ART1: variants seen among roughly 807,000 people sequenced by gnomAD.
ART1 encodes the protein GPI-linked NAD(P)(+)--arginine ADP-ribosyltransferase 1.
Under a neutral mutation model 27.0 loss-of-function variants are expected in ART1, and 29 were observed. That is an observed-to-expected ratio of 1.08 (90% CI 0.80 to 1.47). ART1 has a LOEUF of 1.47. Among genes scored for constraint, ART1 ranks in the 40% most tolerant of loss-of-function variants. The pLI is 0.00. For synonymous variants in ART1, 201 were observed against 172.2 expected, an observed-to-expected ratio of 1.17 and a Z score of -1.31; for missense variants, 480 against 423.0, an observed-to-expected ratio of 1.13 and a Z score of -1.18.
chr11:3,650,014 C>T (rs2077506307), intron 1 of ART1, among the ~76,000 whole-genome samples: 1 of 152,168 alleles, frequency 6.6e-6, no homozygotes, highest in Non-Finnish European at 1.5e-5. Flanking sequence ...CACAACAGGA[C>T]TTAATTAACC....
At chr11:3,662,574 G>C (rs535535217) in intron 4 of ART1, among the ~76,000 whole-genome samples, 10 of 152,266 alleles carry the variant, frequency 6.6e-5, no homozygotes, top group Non-Finnish European at 1.2e-4. Flanking sequence ...GCCGGGTGTG[G>C]TGGCTCACGC....
At chr11:3,647,708 A>T (rs2077480678) in intron 1 of ART1, among the ~76,000 whole-genome samples, 1 of 152,180 alleles carries the variant, frequency 6.6e-6, no homozygotes, top group Non-Finnish European at 1.5e-5. Context: ...CTTGGAAGTG[A>T]TGAACATGTT....
rs148703944 is a variant in ART1, at chr11:3,659,926, G to T, written c.407G>T (p.Arg136Leu). The T allele has an allele frequency of 3.3e-5, 53 of 1,613,252 alleles. No individual in the cohort carries two copies. The highest frequency in any genetic ancestry group is 4.4e-5 in the Non-Finnish European group (52 of 1,179,748). The stretch of plus-strand genomic sequence containing the variant: ...CACAAGGAGTTCAATGCAGCCGTGC[G>T]TGAGGCGGGCCGCTCCCGGGCCCAC... ...PLHKEFNAAV[R>L]EAGRSRAHYL... The change falls in exon 3 of 5, where the codon CGT (arginine) becomes CTT (leucine). Residue 136 changes from arginine (R) to leucine (L), a missense_variant. Arg to Leu is a moderately radical substitution (Grantham distance 102, BLOSUM62 -2). Coordinates refer to ENST00000250693, the MANE Select transcript of ART1 (RefSeq NM_004314.3).
At chr11:3,660,502 C>A in intron 3 of ART1, 139 bp downstream of exon 3, 1 of 1,026,210 alleles carries the variant, frequency 9.7e-7, no homozygotes, top group Non-Finnish European at 1.4e-6. Context: ...GCTCCCAACC[C>A]CTTCCATCTA....
Position 3,659,744 on chromosome 11 carries a change from T to G in ART1, c.225T>G (p.Tyr75Ter), listed in dbSNP as rs141826088. The G allele has an allele frequency of 9.2e-4, 1,491 of 1,613,964 alleles. 2 individuals are homozygous for G. Among genetic ancestry groups the G allele is most frequent in the South Asian group, 1.9e-3 (171 of 91,072 alleles). Residue 75 changes from tyrosine to a stop codon, truncating the protein, a stop_gained, in exon 3 of 5, where the codon TAT (tyrosine) becomes TAG (stop). Transcript: ENST00000250693. LOFTEE classifies it high-confidence loss of function. ...NHTEFQANQV[Y>*]ADSWTLASSQ... ...CGGAGTTCCAGGCCAACCAGGTGTA[T>G]GCAGACAGCTGGACACTGGCAAGCA...
chr11:3,660,393 T>A lies in ART1; in HGVS notation c.844+30T>A, dbSNP rs762648456. On this transcript the variant is annotated intron_variant, in intron 3 of 4. Transcript: ENST00000250693. ...GAGGGCAAGCGCTGGTCGGCACCTG[T>A]GCGGAAGGTGGACCTTCCACATCCA... The A allele has an allele frequency of 2.5e-6, 4 of 1,574,494 alleles. No homozygotes were observed. The South Asian group carries it at 4.5e-5, about 18-fold the overall frequency.
At chr11:3,646,778 C>G (rs2077472141) in intron 1 of ART1, among the ~76,000 whole-genome samples, 1 of 152,154 alleles carries the variant, frequency 6.6e-6, no homozygotes, top group Admixed American at 6.5e-5. Context: ...TCAGGGAGTT[C>G]ACATTTCCCA....
At chr11:3,653,709 C>G (rs1364978415) in intron 1 of ART1, among the ~76,000 whole-genome samples, 1 of 152,122 alleles carries the variant, frequency 6.6e-6, no homozygotes, top group Non-Finnish European at 1.5e-5. Context: ...GAATGGAAAC[C>G]TGGGTGTCAT....
chr11:3,652,389 G>C (rs1483230088), intron 1 of ART1, among the ~76,000 whole-genome samples: 1 of 148,970 alleles, frequency 6.7e-6, no homozygotes, highest in Non-Finnish European at 1.5e-5. Flanking sequence ...CAGGCTCTTA[G>C]TATTCAGTGA....
chr11:3,650,287 G>A (rs1452928179), intron 1 of ART1, among the ~76,000 whole-genome samples: 2 of 152,186 alleles, frequency 1.3e-5, no homozygotes, highest in South Asian at 2.1e-4. Flanking sequence ...CCATCTGTGT[G>A]GGACCCCACT....
At chr11:3,653,279 A>C (rs7482562) in intron 1 of ART1, among the ~76,000 whole-genome samples, 3 of 147,052 alleles carry the variant, frequency 2.0e-5, no homozygotes, top group Non-Finnish European at 4.4e-5. Context: ...TGACCTGCAC[A>C]TACACATCCA....
At chr11:3,649,064 C>G (rs2077494589) in intron 1 of ART1, among the ~76,000 whole-genome samples, 1 of 152,018 alleles carries the variant, frequency 6.6e-6, no homozygotes, top group Non-Finnish European at 1.5e-5. Flanking sequence ...TTTCCACGCC[C>G]TGACCCCTTT....
chr11:3,645,623 A>C (rs1228028124), intron 1 of ART1, among the ~76,000 whole-genome samples: 2 of 152,168 alleles, frequency 1.3e-5, no homozygotes, highest in East Asian at 1.9e-4. Flanking sequence ...GCGCTGAGAA[A>C]GTTCCTCAGA....
intron 1 of ART1, among the ~76,000 whole-genome samples, chr11:3,651,871 A>G (rs978378941): frequency 3.3e-5 from 5 of 150,232 alleles, no homozygotes; most frequent in Middle Eastern, 3.4e-3. Flanking sequence ...CCATTTCCCC[A>G]TATTTCCTTC....
Position 3,659,284 on chromosome 11 carries a change from C to T in ART1, c.63+8C>T, listed in dbSNP as rs1313483386. On this transcript the variant is annotated splice_region_variant and intron_variant, in intron 2 of 4. Coordinates refer to ENST00000250693, the MANE Select transcript of ART1 (RefSeq NM_004314.3). ...CTCATGGAAGCACTTCAGGTATGGGCATCCCCCACTGTTCCCACCCCAGCA... is the reference window on the plus strand; with the variant it reads ...CTCATGGAAGCACTTCAGGTATGGGTATCCCCCACTGTTCCCACCCCAGCA... 1.2e-6 allele frequency: 2 copies of T among 1,614,144 alleles called. No individual in the cohort carries two copies. Among genetic ancestry groups the T allele is most frequent in the African/African-American group, 2.7e-5 (2 of 75,054 alleles).
chr11:3,660,449 C>G (rs1356009371), intron 3 of ART1, 86 bp downstream of exon 3: 2 of 1,433,586 alleles, frequency 1.4e-6, no homozygotes, highest in Non-Finnish European at 1.9e-6. Context: ...AAGCCCCTAT[C>G]TCCTGTGTCC....
At chr11:3,664,003 C>T (rs890179051) in intron 4 of ART1, 89 bp from the exon 5 acceptor site, 8 of 1,223,756 alleles carry the variant, frequency 6.5e-6, no homozygotes, top group Non-Finnish European at 7.0e-6. Context: ...CACCTTGTAT[C>T]TGCATGTCCC....
intron 1 of ART1, among the ~76,000 whole-genome samples, chr11:3,648,822 C>A (rs923848502): frequency 2.6e-5 from 4 of 151,194 alleles, no homozygotes; most frequent in Admixed American, 6.6e-5. Context: ...GTGTCTCTAC[C>A]CCTTCTCTGC....
At position 3,661,540 on chromosome 11, in the gene ART1, G is replaced by A. The variant is rs1049837902; in HGVS notation, c.886+127G>A. The stretch of plus-strand genomic sequence containing the variant: ...ACAGAGTTTCACTCTTGTTGCCCAG[G>A]CTGGAGTGCAATGGCACAATCTCGG... On this transcript the variant is annotated intron_variant, in intron 4 of 4. Coordinates refer to ENST00000250693, the MANE Select transcript of ART1 (RefSeq NM_004314.3). 3 of 696,436 alleles carry A rather than the reference G, an allele frequency of 4.3e-6. No homozygotes were observed. In the African/African-American group the frequency reaches 5.8e-5, roughly 13 times the overall value. 43.1% of individuals were successfully genotyped at this position (696,436 alleles called of 1,614,324 possible).
Sources: gnomAD v4.1 joint callset for allele counts (sites outside exome capture counted in the v4.1 genomes callset) on GRCh38, gnomAD v4.1.1 for gene constraint, MANE v1.5 for transcripts, NCBI Gene and HGNC (gene_info 2026-07-23, HGNC 2026-07-21) for gene names.